Variants in FBP2 observed in about 807,000 individuals in gnomAD.
FBP2 encodes the protein fructose-bisphosphatase 2.
FBP2 carries 27 observed loss-of-function variants against 31.6 expected under a neutral mutation model. That is an observed-to-expected ratio of 0.85 (90% CI 0.63 to 1.18). FBP2 has a LOEUF of 1.18. Among genes scored for constraint, FBP2 ranks in the 50% most tolerant of loss-of-function variants. The pLI is 0.00. For missense variants in FBP2, 421 were observed against 436.1 expected (o/e 0.97, Z 0.31); for synonymous variants, 168 against 179.8 (o/e 0.93, Z 0.53).
chr9:94,584,952 T>C (rs946146453), intron 2 of FBP2, among the ~76,000 whole-genome samples: 2 of 152,168 alleles, frequency 1.3e-5, no homozygotes, highest in Non-Finnish European at 2.9e-5. Context: ...CCCACTCTGC[T>C]GTCACAGGCA....
At chr9:94,574,223 C>A (rs1335835584) in intron 3 of FBP2, among the ~76,000 whole-genome samples, 1 of 152,108 alleles carries the variant, frequency 6.6e-6, no homozygotes, top group Non-Finnish European at 1.5e-5. Context: ...GGGTAAAAAT[C>A]TTTTGATACA....
At chr9:94,584,792 C>A in intron 2 of FBP2, 123 bp from the exon 3 acceptor site, 1 of 661,656 alleles carries the variant, frequency 1.5e-6, no homozygotes. Context: ...CACAGCATAT[C>A]TTTATCAAAA....
At chr9:94,585,437 G>A (rs958374776) in intron 2 of FBP2, among the ~76,000 whole-genome samples, 3 of 151,846 alleles carry the variant, frequency 2.0e-5, no homozygotes, top group Non-Finnish European at 4.4e-5. Flanking sequence ...ACATTCCAGT[G>A]GGAGAACAGA....
chr9:94,579,831 T>G (rs888131226), intron 3 of FBP2, among the ~76,000 whole-genome samples: 8 of 152,234 alleles, frequency 5.3e-5, no homozygotes, highest in African/African-American at 1.9e-4. Flanking sequence ...TGTGATCTTT[T>G]TCCTCCAATT....
rs776963611 is a variant in FBP2 at position 94,587,469 on chromosome 9, C to A, written c.171G>T (p.Leu57=). ...SAVRKAGLAH[L]YGIAGSVNVT... ...CGTTAACGCTTCCTGCGATTCCATA[C>A]CTGAGAAGACAAAAGGCTGAATGAG... is the stretch of plus-strand genomic sequence containing the variant. Residue 57 remains leucine, a splice_region_variant and synonymous_variant, in exon 2 of 7, where the codon CTG becomes CTT. Coordinates refer to ENST00000375337, the MANE Select transcript of FBP2 (RefSeq NM_003837.4). 6.2e-7 allele frequency: 1 copy of A among 1,613,962 alleles called. No individual in the cohort carries two copies. The highest frequency in any genetic ancestry group is 8.5e-7 in the Non-Finnish European group (1 of 1,179,950).
At chr9:94,565,555 C>T (rs1417122206) in intron 5 of FBP2, among the ~76,000 whole-genome samples, 1 of 152,062 alleles carries the variant, frequency 6.6e-6, no homozygotes, top group Non-Finnish European at 1.5e-5. Context: ...CAGAAAGAAT[C>T]TTTCAGCAGA....
At chr9:94,562,171 C>T (rs1564179211) in intron 6 of FBP2, among the ~76,000 whole-genome samples, 2 of 151,854 alleles carry the variant, frequency 1.3e-5, no homozygotes, top group South Asian at 2.1e-4. Flanking sequence ...ATTAGCCAGG[C>T]GTGGTGGCGG....
chr9:94,559,170 G>A, intron 6 of FBP2, 38 bp from the exon 7 acceptor site: 6 of 1,572,708 alleles, frequency 3.8e-6, no homozygotes, highest in Non-Finnish European at 5.2e-6. Context: ...AACTCTGCAA[G>A]TGGCCAAATG....
At chr9:94,591,290 C>T (rs1056406759) in intron 1 of FBP2, among the ~76,000 whole-genome samples, 24 of 152,326 alleles carry the variant, frequency 1.6e-4, no homozygotes, top group African/African-American at 3.1e-4. Context: ...CCCTGCCCCG[C>T]GGGAAGGCAC....
chr9:94,587,743 A>G (rs576745), intron 1 of FBP2, among the ~76,000 whole-genome samples: 50,081 of 152,024 alleles, frequency 0.33, 8,433 homozygotes, highest in East Asian at 0.53. Context: ...TCTCAGCACG[A>G]GGAGATGGAG....
rs145086444 is a variant in FBP2, at chr9:94,593,706, G to A, written c.21C>T (p.Phe7=). 88 of 1,614,180 alleles carry A rather than the reference G, an allele frequency of 5.5e-5. 1 individual carries two copies. In the African/African-American group the frequency reaches 5.6e-4, roughly 10 times the overall value. Residue 7 remains phenylalanine, a synonymous_variant, in exon 1 of 7, where the codon TTC becomes TTT. Transcript: ENST00000375337. ...GGGTCAGGGTGAGCATGTCGGTTTC[G>A]AAGGGGCTTCTGTCCGTCATTTTGG... MTDRSP[F]ETDMLTLTRY...
Position 94,558,860 on chromosome 9 carries a change from C to T in FBP2, c.*78G>A. On this transcript the variant is annotated 3_prime_UTR_variant, in exon 7 of 7. Coordinates refer to ENST00000375337, the MANE Select transcript of FBP2 (RefSeq NM_003837.4). ...TTACCTTTTGTATACTCATAGCTAC[C>T]ATCTCTGTTTATCGTTCATTTAGGG... 7.5e-7 allele frequency: 1 copy of T among 1,331,362 alleles called. No homozygotes were observed. The highest frequency in any genetic ancestry group is 1.2e-5 in the South Asian group (1 of 82,896). 82.5% of individuals were successfully genotyped at this position (1,331,362 alleles called of 1,614,324 possible).
intron 3 of FBP2, chr9:94,572,926 G>A (rs373852218): frequency 2.3e-4 from 34 of 150,146 alleles, no homozygotes; most frequent in South Asian, 1.9e-3. Flanking sequence ...CTTGTATCCT[G>A]TGACCTTGCT....
Position 94,571,503 on chromosome 9 carries a change from G to C in FBP2, c.526C>G (p.Leu176Val). The C allele has an allele frequency of 6.2e-7, 1 of 1,613,958 alleles. No individual in the cohort carries two copies. The highest frequency in any genetic ancestry group is 8.5e-7 in the Non-Finnish European group (1 of 1,179,946). Residue 176 changes from leucine to valine, a missense_variant, in exon 4 of 7, where the codon CTC (leucine) becomes GTC (valine). Leu to Val is a conservative substitution (Grantham distance 32). Transcript: ENST00000375337. ...AGGTCCACGCCTTGCCCTGTGGAGA[G>C]AGCCACCAGGGTTGCACTACCGTAC... ...ALYGSATLVA[L>V]STGQGVDLFM...
intron 2 of FBP2, among the ~76,000 whole-genome samples, chr9:94,585,492 G>A (rs979556668): frequency 1.7e-4 from 25 of 150,912 alleles, no homozygotes; most frequent in Non-Finnish European, 1.3e-4. Flanking sequence ...GCTGTGGCAC[G>A]TGCCCTAACG....
chr9:94,576,922 G>A (rs1307208695), intron 3 of FBP2, among the ~76,000 whole-genome samples: 3 of 152,014 alleles, frequency 2.0e-5, no homozygotes, highest in African/African-American at 7.3e-5. Flanking sequence ...TGGAAACTGA[G>A]GTGAGGGATT....
In FBP2 at chr9:94,584,678, G is replaced by C; in HGVS notation, c.334-9C>G. 2 of 1,575,896 alleles carry C rather than the reference G, an allele frequency of 1.3e-6. No homozygotes were observed. Among genetic ancestry groups the C allele is most frequent in the Non-Finnish European group, 1.7e-6 (2 of 1,145,228 alleles). ...CAGACCACGTATTTCCCCTAAATCA[G>C]AGAGGAAAGCACCAACTGATCAGCA... On this transcript the variant is annotated splice_polypyrimidine_tract_variant and intron_variant, in intron 2 of 6. Coordinates refer to ENST00000375337, the MANE Select transcript of FBP2 (RefSeq NM_003837.4).
chr9:94,589,392 CCA>C (rs1335077758), intron 1 of FBP2, among the ~76,000 whole-genome samples: 1 of 152,152 alleles, frequency 6.6e-6, no homozygotes, highest in Non-Finnish European at 1.5e-5. Context: ...CAAGTGGGCC[CCA>C]CACACCAGAA....
intron 3 of FBP2, among the ~76,000 whole-genome samples, chr9:94,579,009 C>T (rs1587843237): frequency 8.8e-6 from 1 of 114,168 alleles, no homozygotes; most frequent in Non-Finnish European, 1.7e-5. Flanking sequence ...GCGGAGCTTG[C>T]ACCACTGCAC....
Sources: allele counts gnomAD v4.1 joint callset (sites outside exome capture counted in the v4.1 genomes callset), GRCh38; gene constraint gnomAD v4.1.1; transcripts MANE v1.5; gene names NCBI Gene and HGNC (gene_info 2026-07-23, HGNC 2026-07-21).